The following NEDD4L variants were observed in gnomAD, a reference collection of about 807,000 sequenced individuals.
NEDD4L encodes NEDD4 like E3 ubiquitin protein ligase, also known as E3 ubiquitin-protein ligase NEDD4-like.
NEDD4L carries 54 observed loss-of-function variants against 148.9 expected under a neutral mutation model. The observed-to-expected ratio is 0.36, with a 90% CI of 0.29 to 0.45. NEDD4L has a LOEUF of 0.45. Among genes scored for constraint, NEDD4L ranks in the 20% least tolerant of loss-of-function variants. NEDD4L has a pLI of 1.00. For missense variants in NEDD4L, 856 were observed against 1,233.8 expected (o/e 0.69, Z 4.59); for synonymous variants, 433 against 440.7 (o/e 0.98, Z 0.22).
At chr18:58,124,032 C>G (rs1358354664) in intron 1 of NEDD4L, among the ~76,000 whole-genome samples, 1 of 152,222 alleles carries the variant, frequency 6.6e-6, no homozygotes, top group Non-Finnish European at 1.5e-5. Flanking sequence ...CCACGTCCCT[C>G]TTGGCCACTG....
chr18:58,229,467 G>T (rs970948642), intron 2 of NEDD4L, among the ~76,000 whole-genome samples: 3 of 152,140 alleles, frequency 2.0e-5, no homozygotes, highest in East Asian at 1.9e-4. Flanking sequence ...ACCTAGCTGG[G>T]GGGGAGCTCA....
At chr18:58,200,919 T>C (rs182129420) in intron 2 of NEDD4L, among the ~76,000 whole-genome samples, 7 of 152,380 alleles carry the variant, frequency 4.6e-5, no homozygotes, top group Non-Finnish European at 7.3e-5. Context: ...CCCACCTTCT[T>C]ACCTACTTGT....
rs550029276 is a variant in NEDD4L at position 58,380,296 on chromosome 18, T to TTTTATTTATTTATTTA, written c.2353-2926_2353-2911dup. Among the ~76,000 whole-genome samples, 759 of 141,806 alleles carry TTTTATTTATTTATTTA rather than the reference T, an allele frequency of 5.4e-3. 9 individuals are homozygous for TTTTATTTATTTATTTA. Among genetic ancestry groups the TTTTATTTATTTATTTA allele is most frequent in the African/African-American group, 0.019 (714 of 37,606 alleles). The allele number at this position is 141,806 out of a possible 152,430, so 93.0% of individuals were successfully genotyped here. A position where few individuals can be genotyped will look rare whatever the true frequency, so the allele number is the denominator to read the frequency against. On this transcript the variant is annotated intron_variant, in intron 24 of 30. Transcript: ENST00000400345. ...ACTCTGCATACTGTTTTCTTTTTTA[T>TTTTATTTATTTATTTA]TTTATTTATTTATTTATTTATTTAT...
At position 58,317,305 on chromosome 18, in the gene NEDD4L, G is replaced by A. The variant is rs186202536; in HGVS notation, c.348+1273G>A. Among the ~76,000 whole-genome samples the A allele has an allele frequency of 8.5e-5, 13 of 152,358 alleles. No homozygotes were observed. The East Asian group carries it at 2.5e-3, about 29-fold the overall frequency. ...TCTTCTCAGGTCACGTTGGGAGGAT[G>A]TGACTATTTCACCTTTTGTGAGCAA... On this transcript the variant is annotated intron_variant, in intron 6 of 30. Coordinates refer to ENST00000400345, the MANE Select transcript of NEDD4L (RefSeq NM_001144967.3).
At chr18:58,225,183 C>T (rs2148006740) in intron 2 of NEDD4L, among the ~76,000 whole-genome samples, 1 of 152,312 alleles carries the variant, frequency 6.6e-6, no homozygotes, top group East Asian at 1.9e-4. Context: ...AGGGCCCTGT[C>T]ACCCGTGTGG....
chr18:58,321,102 G>A (rs1281140942), intron 6 of NEDD4L, among the ~76,000 whole-genome samples: 1 of 152,188 alleles, frequency 6.6e-6, no homozygotes, highest in Non-Finnish European at 1.5e-5. Flanking sequence ...CTTGGCACCG[G>A]TGATCCAATG....
chr18:58,185,178 C>T (rs1241618343), intron 2 of NEDD4L, among the ~76,000 whole-genome samples: 1 of 152,116 alleles, frequency 6.6e-6, no homozygotes, highest in East Asian at 1.9e-4. Context: ...ACAGGAATGA[C>T]AGGGAGGTCT....
intron 5 of NEDD4L, chr18:58,255,842 C>T: frequency 8.1e-7 from 1 of 1,232,488 alleles, no homozygotes; most frequent in Non-Finnish European, 1.0e-6. Context: ...TGCGCTTAAG[C>T]GGAGCTCGTC....
chr18:58,260,079 C>T (rs544137783), intron 5 of NEDD4L, among the ~76,000 whole-genome samples: 1 of 152,128 alleles, frequency 6.6e-6, no homozygotes, highest in African/African-American at 2.4e-5. Flanking sequence ...ACACAGGAGG[C>T]GAAGGTGGGA....
intron 1 of NEDD4L, among the ~76,000 whole-genome samples, chr18:58,140,596 T>A (rs1026219663): frequency 1.3e-5 from 2 of 152,204 alleles, no homozygotes; most frequent in East Asian, 3.8e-4. Context: ...GCTGTGAAAA[T>A]GCCAATCAGG....
chr18:58,181,396 A>G lies in NEDD4L; in HGVS notation c.122+15535A>G, dbSNP rs1195228134. On this transcript the variant is annotated intron_variant, in intron 2 of 30. Transcript: ENST00000400345. ...TAAATGTTTATGAATCAGAGCTTCA[A>G]CACTCTTCCAGGTTTCTTTAAGAAA... Among the ~76,000 whole-genome samples, 5 of 152,242 alleles carry G rather than the reference A, an allele frequency of 3.3e-5. No homozygotes were observed. In the East Asian group the frequency reaches 9.6e-4, roughly 29 times the overall value.
At chr18:58,309,371 C>A (rs2057415271) in intron 5 of NEDD4L, among the ~76,000 whole-genome samples, 1 of 152,222 alleles carries the variant, frequency 6.6e-6, no homozygotes, top group Non-Finnish European at 1.5e-5. Context: ...TCAGCAGAAT[C>A]TGTCACTCCC....
At chr18:58,114,671 T>C (rs1202348202) in intron 1 of NEDD4L, among the ~76,000 whole-genome samples, 2 of 59,938 alleles carry the variant, frequency 3.3e-5, no homozygotes, top group Non-Finnish European at 2.8e-5. Flanking sequence ...TTATATCTCA[T>C]AGTCATAGTC....
intron 2 of NEDD4L, among the ~76,000 whole-genome samples, chr18:58,199,328 T>C (rs1236868776): frequency 6.6e-6 from 1 of 152,140 alleles, no homozygotes; most frequent in African/African-American, 2.4e-5. Flanking sequence ...CATTTGACAC[T>C]ATCTGGGGAC....
intron 1 of NEDD4L, among the ~76,000 whole-genome samples, chr18:58,113,975 G>C (rs1349457749): frequency 6.6e-6 from 1 of 152,190 alleles, no homozygotes; most frequent in Non-Finnish European, 1.5e-5. Context: ...TCTGTCCTCT[G>C]TCCCCTGTGA....
intron 2 of NEDD4L, among the ~76,000 whole-genome samples, chr18:58,176,550 G>T (rs536344304): frequency 6.6e-6 from 1 of 152,240 alleles, no homozygotes; most frequent in East Asian, 1.9e-4. Context: ...GCCCAGGTGG[G>T]TCTCAAACTC....
In NEDD4L at chr18:58,315,831, T is replaced by G. The variant is rs942823544; in HGVS notation, c.298-151T>G. On this transcript the variant is annotated intron_variant, in intron 5 of 30. Transcript: ENST00000400345. ...CACGGGCTCCTGGTCTCCCGGGGTG[T>G]GGTTACTCGTGTCTCCTCGGGGCCT... 1.8e-5 allele frequency: 13 copies of G among 739,388 alleles called. No homozygotes were observed. The African/African-American group carries it at 1.9e-4, about 11-fold the overall frequency. 45.8% of individuals were successfully genotyped at this position (739,388 alleles called of 1,614,324 possible).
chr18:58,062,717 G>A (rs1194779566), intron 1 of NEDD4L, among the ~76,000 whole-genome samples: 1 of 152,106 alleles, frequency 6.6e-6, no homozygotes, highest in East Asian at 1.9e-4. Context: ...GGCCAGGGAC[G>A]GTGGCTCACG....
At position 58,401,053 on chromosome 18, in the gene NEDD4L, C is replaced by G. The variant is rs1416507847; in HGVS notation, c.*4784C>G. 1 of 152,074 alleles carries G rather than the reference C, an allele frequency of 6.6e-6. No individual in the cohort carries two copies. The highest frequency in any genetic ancestry group is 1.5e-5 in the Non-Finnish European group (1 of 68,030). The allele number at this position is 152,074 out of a possible 1,614,324, so 9.4% of individuals were successfully genotyped here. ...AAGCTGTGTCCTGTGAATTTCAACC[C>G]TTGGAGCCTAAGAAAACCCTAGGAA... On this transcript the variant is annotated 3_prime_UTR_variant, in exon 31 of 31. Transcript: ENST00000400345.
Sources: gnomAD v4.1 joint callset for allele counts (sites outside exome capture counted in the v4.1 genomes callset) on GRCh38, gnomAD v4.1.1 for gene constraint, MANE v1.5 for transcripts, NCBI Gene and HGNC (gene_info 2026-07-23, HGNC 2026-07-21) for gene names.